NRK: variants seen among roughly 807,000 people sequenced by gnomAD.
NRK encodes nik-related protein kinase.
NRK carries 67 observed loss-of-function variants against 125.2 expected under a neutral mutation model. The ratio of observed to expected loss-of-function variants is 0.54; its 90% CI spans 0.44 to 0.66. NRK has a LOEUF of 0.66. NRK is among the 30% of genes least tolerant of loss of function. The pLI, the probability that NRK is intolerant of heterozygous loss-of-function variation, is 0.00. For synonymous variants in NRK, 458 were observed against 429.0 expected (o/e 1.07, Z -0.84); for missense variants, 1,224 against 1,192.9 (o/e 1.03, Z -0.38).
At chrX:105,929,942 G>C (rs183779430) in intron 19 of NRK, among the ~76,000 whole-genome samples, 1 of 111,596 alleles carries the variant, frequency 9.0e-6, no homozygotes, top group African/African-American at 3.3e-5. Flanking sequence ...TCAGAAATCT[G>C]CTGTTAGTCC....
At chrX:105,908,347 A>T (rs762175680) in intron 12 of NRK, 44 bp downstream of exon 12, 2 of 672,035 alleles carry the variant, frequency 3.0e-6, no homozygotes, top group Admixed American at 7.4e-5. Context: ...ATAGCAATTC[A>T]CATAAGGCCG....
At position 105,945,979 on chromosome X, in the gene NRK, G is replaced by A. The variant is rs1321619901; in HGVS notation, c.4167G>A (p.Lys1389=). ...CAGCTGATCCAGTGAACCGGTTTAA[G>A]AGACCAGATGAGCTCCTTCATTTGC... ...IQAADPVNRF[K]RPDELLHLLK... is the part of the protein sequence containing the mutation. Residue 1389 remains lysine, a synonymous_variant, in exon 25 of 29, where the codon AAG becomes AAA. Coordinates refer to ENST00000243300, the MANE Select transcript of NRK (RefSeq NM_198465.4). 1 of 1,208,582 alleles carries A rather than the reference G, an allele frequency of 8.3e-7. No homozygotes were observed. Among genetic ancestry groups the A allele is most frequent in the Non-Finnish European group, 1.1e-6 (1 of 894,352 alleles).
chrX:105,875,481 CAAATT>C (rs1406266519), intron 2 of NRK, among the ~76,000 whole-genome samples: 1 of 111,079 alleles, frequency 9.0e-6, no homozygotes, highest in Non-Finnish European at 1.9e-5. Context: ...ATGTTAGTGA[CAAATT>C]AATGTGTCCT....
At chrX:105,895,842 A>G (rs1056294915) in intron 7 of NRK, among the ~76,000 whole-genome samples, 1 of 112,124 alleles carries the variant, frequency 8.9e-6, no homozygotes, top group African/African-American at 3.2e-5. Context: ...AATTGAATTG[A>G]GTATTTACCA....
intron 26 of NRK, chrX:105,948,542 G>A (rs1692365221): frequency 4.7e-6 from 2 of 421,164 alleles, no homozygotes; most frequent in Non-Finnish European, 8.2e-6. Flanking sequence ...ATTTGCAGCA[G>A]TCCAGTTTTT....
At chrX:105,912,432 C>T (rs184720910) in intron 13 of NRK, among the ~76,000 whole-genome samples, 201 of 110,696 alleles carry the variant, frequency 1.8e-3, no homozygotes, top group Non-Finnish European at 3.5e-3. Context: ...TATAGCATTT[C>T]TCAGATTCTG....
rs979466080 is a variant in NRK at position 105,895,660 on chromosome X, A to G, written c.580+137A>G. 2.2e-5 allele frequency: 10 copies of G among 452,171 alleles called. No homozygotes were observed. The African/African-American group carries it at 2.5e-4, about 11-fold the overall frequency. The allele number at this position is 452,171 out of a possible 1,213,427, so 37.3% of individuals were successfully genotyped here. ...CTGGGTTTTCCCTGCCTGCAAAACC[A>G]GTCAAAATTTGAAAATTTGTTTGGG... On this transcript the variant is annotated intron_variant, in intron 7 of 28. Coordinates refer to ENST00000243300, the MANE Select transcript of NRK (RefSeq NM_198465.4).
At chrX:105,901,829 A>G (rs918888568) in intron 9 of NRK, among the ~76,000 whole-genome samples, 3 of 111,001 alleles carry the variant, frequency 2.7e-5, no homozygotes, top group African/African-American at 9.8e-5. Context: ...AGAAGATTAC[A>G]TACGACACAT....
chrX:105,906,732 T>C lies in NRK; in HGVS notation c.1021+143T>C, dbSNP rs1434436465. The C allele has an allele frequency of 2.5e-5, 9 of 361,044 alleles. No homozygotes were observed. In the Admixed American group the frequency reaches 2.9e-4, roughly 12 times the overall value. The allele number at this position is 361,044 out of a possible 1,213,427, so 29.8% of individuals were successfully genotyped here. Reference sequence around the variant, plus strand: ...CTTTGATATTTAGTTTTGCCAATAATATGCCATGTGCTCTTATTTAATTTT... The same window carrying C: ...CTTTGATATTTAGTTTTGCCAATAACATGCCATGTGCTCTTATTTAATTTT... On this transcript the variant is annotated intron_variant, in intron 11 of 28. Transcript: ENST00000243300.
intron 27 of NRK, among the ~76,000 whole-genome samples, 199 bp from the exon 28 acceptor site, chrX:105,952,835 C>A (rs976805630): frequency 8.1e-5 from 9 of 111,450 alleles, no homozygotes; most frequent in Admixed American, 9.5e-5. Flanking sequence ...TACAATGGTG[C>A]CTTTAGATAG....
chrX:105,830,070 G>A (rs865979795), intron 1 of NRK, among the ~76,000 whole-genome samples: 6 of 109,196 alleles, frequency 5.5e-5, no homozygotes, highest in Non-Finnish European at 9.5e-5. Context: ...TCGGCTGGGC[G>A]CAGTGGCTCA....
chrX:105,933,817 C>T (rs1255276395), intron 19 of NRK, among the ~76,000 whole-genome samples: 2 of 111,850 alleles, frequency 1.8e-5, no homozygotes, highest in Non-Finnish European at 3.8e-5. Flanking sequence ...CAGACTTTGG[C>T]TTCAAATTCT....
intron 2 of NRK, among the ~76,000 whole-genome samples, chrX:105,850,384 G>T (rs1012495987): frequency 1.8e-5 from 2 of 111,813 alleles, no homozygotes; most frequent in East Asian, 2.8e-4. Flanking sequence ...TGCCATGAAG[G>T]TCTCTGACAT....
chrX:105,892,278 A>G (rs989207005), intron 5 of NRK, among the ~76,000 whole-genome samples: 1 of 111,921 alleles, frequency 8.9e-6, no homozygotes, highest in African/African-American at 3.2e-5. Context: ...GGGAAATGAG[A>G]AAAACTTCCT....
chrX:105,886,946 A>G (rs1427068400), intron 4 of NRK, among the ~76,000 whole-genome samples: 1 of 111,223 alleles, frequency 9.0e-6, no homozygotes, highest in Non-Finnish European at 1.9e-5. Flanking sequence ...CTCAAAATGG[A>G]TCAGACACCT....
At position 105,917,640 on chromosome X, in the gene NRK, C is replaced by A; in HGVS notation, c.2480C>A (p.Ser827Ter). The stretch of plus-strand genomic sequence containing the variant: ...CCCATTGACATCAGACAAAGGAGTT[C>A]GCAAAATCGTCAAAATTGGCTGGCA... ...QKPIDIRQRS[S>*]QNRQNWLAAS... Residue 827 changes from serine to a stop codon, truncating the protein, a stop_gained, in exon 16 of 29, where the codon TCG (serine) becomes TAG (stop). Transcript: ENST00000243300. LOFTEE classifies it high-confidence loss of function. The A allele has an allele frequency of 8.6e-7, 1 of 1,162,303 alleles. No individual in the cohort carries two copies. Among genetic ancestry groups the A allele is most frequent in the East Asian group, 3.1e-5 (1 of 31,769 alleles).
At chrX:105,911,594 C>A (rs1246351460) in intron 13 of NRK, among the ~76,000 whole-genome samples, 1 of 111,081 alleles carries the variant, frequency 9.0e-6, no homozygotes, top group Non-Finnish European at 1.9e-5. Flanking sequence ...GCAAGAGAAG[C>A]AAGGCCCAAA....
At chrX:105,919,927 G>A (rs934848940) in intron 16 of NRK, among the ~76,000 whole-genome samples, 11 of 106,230 alleles carry the variant, frequency 1.0e-4, no homozygotes, top group Admixed American at 4.1e-4. Flanking sequence ...TTTGTCTTTT[G>A]TTGCCATTGC....
At chrX:105,927,266 T>TA (rs2040536471) in intron 19 of NRK, among the ~76,000 whole-genome samples, 1 of 111,424 alleles carries the variant, frequency 9.0e-6, no homozygotes, top group Non-Finnish European at 1.9e-5. Context: ...TTTTTGTGAT[T>TA]TCTTTCTCAG....
Sources: allele counts gnomAD v4.1 joint callset (sites outside exome capture counted in the v4.1 genomes callset), GRCh38; gene constraint gnomAD v4.1.1; transcripts MANE v1.5; gene names NCBI Gene and HGNC (gene_info 2026-07-23, HGNC 2026-07-21).